PID1: variants seen among roughly 807,000 people sequenced by gnomAD.
The protein encoded by PID1 is phosphotyrosine interaction domain containing 1.
A neutral mutation model predicts 19.1 loss-of-function variants in PID1; 10 were observed. The ratio of observed to expected loss-of-function variants is 0.52; its 90% CI spans 0.32 to 0.89. The LOEUF (loss-of-function observed/expected upper bound fraction) is 0.89. PID1 is among the 40% of genes least tolerant of loss of function. The probability of loss-of-function intolerance (pLI) is 0.03; values close to 1 mark genes in which losing one functional copy is unlikely to be tolerated. For missense variants in PID1, 248 were observed against 285.3 expected (o/e 0.87, Z 0.94); for synonymous variants, 130 against 116.0 (o/e 1.12, Z -0.78).
chr2:229,191,297 A>G (rs1691256060), intron 1 of PID1, among the ~76,000 whole-genome samples: 1 of 152,220 alleles, frequency 6.6e-6, no homozygotes. Flanking sequence ...GTTCACAGGT[A>G]TCAAATGAAG....
intron 2 of PID1, among the ~76,000 whole-genome samples, chr2:229,035,737 T>TCTTA (rs1440926069): frequency 6.6e-6 from 1 of 152,156 alleles, no homozygotes; most frequent in Non-Finnish European, 1.5e-5. Context: ...TAGTTTCCAT[T>TCTTA]CTTATATCAT....
At chr2:229,063,534 T>C (rs1694257593) in intron 2 of PID1, among the ~76,000 whole-genome samples, 1 of 152,156 alleles carries the variant, frequency 6.6e-6, no homozygotes, top group Admixed American at 6.6e-5. Context: ...ACTTGTTTTG[T>C]GGCCTAACAT....
intron 1 of PID1, among the ~76,000 whole-genome samples, chr2:229,270,449 G>A (rs915550281): frequency 5.3e-5 from 8 of 152,130 alleles, no homozygotes; most frequent in Non-Finnish European, 1.0e-4. Flanking sequence ...AATATTCCTG[G>A]CTGAACCTAC....
At chr2:229,237,320 T>A (rs1689733284) in intron 1 of PID1, among the ~76,000 whole-genome samples, 1 of 152,212 alleles carries the variant, frequency 6.6e-6, no homozygotes, top group African/African-American at 2.4e-5. Context: ...TATCTACAGT[T>A]ATGAATTACT....
At chr2:229,195,703 C>A (rs1478324636) in intron 1 of PID1, among the ~76,000 whole-genome samples, 4 of 151,872 alleles carry the variant, frequency 2.6e-5, no homozygotes, top group Non-Finnish European at 5.9e-5. Flanking sequence ...GACAAGCATA[C>A]AGACAAAAAG....
At chr2:229,156,038 C>A in intron 1 of PID1, 74 bp from the exon 2 acceptor site, 1 of 1,364,992 alleles carries the variant, frequency 7.3e-7, no homozygotes, top group Non-Finnish European at 1.0e-6. Flanking sequence ...TACATTAAAC[C>A]CAGTAGCAAC....
chr2:229,113,566 TTGTG>T (rs1490624225), intron 2 of PID1, among the ~76,000 whole-genome samples: 1 of 141,054 alleles, frequency 7.1e-6, no homozygotes, highest in East Asian at 2.1e-4. Flanking sequence ...GCCTAGTTGT[TTGTG>T]TATGTGTGTA....
intron 1 of PID1, among the ~76,000 whole-genome samples, chr2:229,260,445 G>A (rs895990971): frequency 4.7e-5 from 7 of 148,842 alleles, no homozygotes; most frequent in African/African-American, 1.7e-4. Flanking sequence ...CAGTAAAGTA[G>A]AATTTTTTAA....
chr2:229,046,856 C>A (rs1187837117), intron 2 of PID1, among the ~76,000 whole-genome samples: 2 of 152,134 alleles, frequency 1.3e-5, no homozygotes, highest in Non-Finnish European at 2.9e-5. Flanking sequence ...TTCTGCAATC[C>A]AACGGTCTAC....
intron 2 of PID1, among the ~76,000 whole-genome samples, chr2:229,116,154 G>A (rs1236513747): frequency 6.6e-6 from 1 of 152,108 alleles, no homozygotes; most frequent in Non-Finnish European, 1.5e-5. Context: ...GTGAACCTGG[G>A]AGGTGGAGCT....
At chr2:229,092,735 AG>A (rs1378269738) in intron 2 of PID1, among the ~76,000 whole-genome samples, 1 of 152,194 alleles carries the variant, frequency 6.6e-6, no homozygotes, top group African/African-American at 2.4e-5. Flanking sequence ...AGAAAACCAA[AG>A]AACTTAGACT....
chr2:229,249,982 G>A (rs1335496166), intron 1 of PID1, among the ~76,000 whole-genome samples: 1 of 152,202 alleles, frequency 6.6e-6, no homozygotes, highest in Admixed American at 6.5e-5. Context: ...GAAGAAGATG[G>A]TTTAAGAGCT....
At chr2:229,115,958 T>C (rs573171769) in intron 2 of PID1, among the ~76,000 whole-genome samples, 16 of 152,060 alleles carry the variant, frequency 1.1e-4, no homozygotes, top group South Asian at 2.1e-4. Flanking sequence ...ATTAAAAATA[T>C]TCAGAAGATC....
chr2:229,067,657 C>T (rs962069879), intron 2 of PID1, among the ~76,000 whole-genome samples: 2 of 152,234 alleles, frequency 1.3e-5, no homozygotes, highest in South Asian at 2.1e-4. Flanking sequence ...ATGAAGTCGC[C>T]AGTGAGAGAG....
At chr2:229,084,468 C>T (rs962643196) in intron 2 of PID1, among the ~76,000 whole-genome samples, 8 of 152,132 alleles carry the variant, frequency 5.3e-5, no homozygotes, top group South Asian at 2.1e-4. Flanking sequence ...TAACCTAAAA[C>T]GATTGAGCTG....
chr2:229,264,352 A>G (rs2106294233), intron 1 of PID1, among the ~76,000 whole-genome samples: 1 of 152,202 alleles, frequency 6.6e-6, no homozygotes, highest in South Asian at 2.1e-4. Context: ...CCTGACCTGG[A>G]GACCACCGCC....
At chr2:229,104,139 C>T (rs996346432) in intron 2 of PID1, among the ~76,000 whole-genome samples, 2 of 152,108 alleles carry the variant, frequency 1.3e-5, no homozygotes, top group Non-Finnish European at 2.9e-5. Flanking sequence ...TCAAGTCGGT[C>T]TCGGTTTATA....
chr2:229,111,619 T>C (rs1695300072), intron 2 of PID1, among the ~76,000 whole-genome samples: 1 of 152,206 alleles, frequency 6.6e-6, no homozygotes. Flanking sequence ...AGAAAATGAA[T>C]ACTTTTACTT....
At chr2:229,255,630 T>G (rs536198787) in intron 1 of PID1, among the ~76,000 whole-genome samples, 25 of 152,224 alleles carry the variant, frequency 1.6e-4, no homozygotes, top group Non-Finnish European at 3.4e-4. Flanking sequence ...CTTCCAATGT[T>G]TGGCAGTAAA....
Sources: allele counts gnomAD v4.1 joint callset (sites outside exome capture counted in the v4.1 genomes callset), GRCh38; gene constraint gnomAD v4.1.1; transcripts MANE v1.5; gene names NCBI Gene and HGNC (gene_info 2026-07-23, HGNC 2026-07-21).